The following MANBA variants were observed in gnomAD, a reference collection of about 807,000 sequenced individuals.
MANBA encodes the protein mannosidase beta, also known as beta-mannosidase.
In MANBA, 83 loss-of-function variants were observed where a neutral mutation model predicts 111.1. That is an observed-to-expected ratio of 0.75 (90% CI 0.63 to 0.90). The LOEUF (loss-of-function observed/expected upper bound fraction) is 0.90, where lower values mean the gene tolerates loss of function less well. MANBA is among the 40% of genes least tolerant of loss of function. The probability of loss-of-function intolerance (pLI) is 0.00; values close to 1 mark genes in which losing one functional copy is unlikely to be tolerated. For synonymous variants in MANBA, 370 were observed against 378.7 expected (o/e 0.98, Z 0.27); for missense variants, 1,036 against 1,069.0 (o/e 0.97, Z 0.43).
intron 2 of MANBA, among the ~76,000 whole-genome samples, chr4:102,724,692 A>G (rs919850065): frequency 6.6e-6 from 1 of 152,226 alleles, no homozygotes; most frequent in Non-Finnish European, 1.5e-5. Flanking sequence ...TAAGCCTTAC[A>G]GGAAACTATA....
chr4:102,753,187 A>G (rs1167757511), intron 1 of MANBA, among the ~76,000 whole-genome samples: 1 of 152,178 alleles, frequency 6.6e-6, no homozygotes, highest in South Asian at 2.1e-4. Context: ...TAAATGTTAA[A>G]GTAGCTAATA....
chr4:102,680,789 T>G (rs1278137369), intron 7 of MANBA, among the ~76,000 whole-genome samples: 1 of 152,240 alleles, frequency 6.6e-6, no homozygotes, highest in African/African-American at 2.4e-5. Context: ...TCCCATTCCT[T>G]GAAGCTATTT....
At chr4:102,757,050 C>A (rs550988348) in intron 1 of MANBA, among the ~76,000 whole-genome samples, 6 of 152,112 alleles carry the variant, frequency 3.9e-5, no homozygotes, top group African/African-American at 1.4e-4. Context: ...AGGCTGAGGG[C>A]CAGGCACGGT....
intron 4 of MANBA, among the ~76,000 whole-genome samples, chr4:102,715,706 C>T (rs961453138): frequency 6.6e-5 from 10 of 152,136 alleles, no homozygotes; most frequent in African/African-American, 2.2e-4. Flanking sequence ...TCCATGTGTT[C>T]TCATCAATAA....
chr4:102,648,293 A>G (rs1471266544), intron 13 of MANBA, among the ~76,000 whole-genome samples: 3 of 152,134 alleles, frequency 2.0e-5, no homozygotes, highest in African/African-American at 7.2e-5. Flanking sequence ...AGCATTATTC[A>G]TAATAGCCAA....
intron 12 of MANBA, among the ~76,000 whole-genome samples, chr4:102,652,992 G>A (rs1730403674): frequency 6.6e-6 from 1 of 152,142 alleles, no homozygotes; most frequent in Admixed American, 6.5e-5. Flanking sequence ...AACTTCTTCA[G>A]TATCCAAATC....
chr4:102,689,465 G>C, intron 7 of MANBA, 109 bp downstream of exon 7: 3 of 682,800 alleles, frequency 4.4e-6, no homozygotes, highest in Non-Finnish European at 7.5e-6. Context: ...TCTCTGATGG[G>C]TGGGGACACA....
intron 15 of MANBA, 26 bp downstream of exon 15, chr4:102,635,839 C>T (rs1165092242): frequency 6.2e-7 from 1 of 1,602,142 alleles, no homozygotes; most frequent in Admixed American, 1.7e-5. Context: ...CTCCTTCGAT[C>T]TTAGAAAACA....
intron 13 of MANBA, among the ~76,000 whole-genome samples, chr4:102,640,805 G>C (rs562113934): frequency 1.3e-5 from 2 of 152,276 alleles, no homozygotes; most frequent in South Asian, 2.1e-4. Flanking sequence ...TTTAAATAGA[G>C]GAAGGCTGAC....
At chr4:102,728,974 G>A in intron 1 of MANBA, 4 of 868,244 alleles carry the variant, frequency 4.6e-6, no homozygotes, top group Non-Finnish European at 7.8e-6. Context: ...AGTCCAGCTG[G>A]CTCTCCTCGC....
intron 12 of MANBA, among the ~76,000 whole-genome samples, chr4:102,652,858 G>T (rs1300464815): frequency 2.0e-5 from 3 of 152,162 alleles, no homozygotes; most frequent in Admixed American, 1.3e-4. Context: ...TCACGCCACT[G>T]CACTCCAGCC....
chr4:102,718,700 C>T (rs1722444407), intron 4 of MANBA, among the ~76,000 whole-genome samples: 1 of 152,140 alleles, frequency 6.6e-6, no homozygotes, highest in South Asian at 2.1e-4. Flanking sequence ...GGGAACCAGC[C>T]CCCAATATTT....
intron 12 of MANBA, 183 bp from the exon 13 acceptor site, chr4:102,650,884 G>T: frequency 3.4e-6 from 2 of 585,594 alleles, no homozygotes; most frequent in Non-Finnish European, 6.1e-6. Context: ...CTAGCCTTGT[G>T]GAAACTGGAA....
At chr4:102,729,188 C>A in intron 1 of MANBA, 1 of 724,110 alleles carries the variant, frequency 1.4e-6, no homozygotes, top group South Asian at 1.4e-5. Context: ...TCCAGGGAAG[C>A]CCTCTGGCCT....
chr4:102,665,337 G>A (rs571483796), intron 10 of MANBA: 7 of 165,508 alleles, frequency 4.2e-5, no homozygotes, highest in Admixed American at 3.6e-4. Context: ...AGTCCTCACT[G>A]AGATCAGAAA....
intron 4 of MANBA, among the ~76,000 whole-genome samples, chr4:102,715,700 T>C (rs1237875427): frequency 6.6e-6 from 1 of 152,174 alleles, no homozygotes; most frequent in Non-Finnish European, 1.5e-5. Flanking sequence ...TATGTGTCCA[T>C]GTGTTCTCAT....
rs1208178394 is a variant in MANBA, at chr4:102,664,772, C to T, written c.1398G>A (p.Trp466Ter). The part of the protein sequence containing the change: ...NENEEALMMN[W>*]YHISFTDRPI... ...GCCGGTCAGTGAAACTGATATGATA[C>T]CAATTCATCATCAGCGCCTCCTCAT... is the stretch of plus-strand genomic sequence containing the variant. Residue 466 changes from tryptophan to a stop codon, truncating the protein, a stop_gained, in exon 11 of 17, where the codon TGG (tryptophan) becomes TGA (stop). Coordinates refer to ENST00000647097, the MANE Select transcript of MANBA (RefSeq NM_005908.4). LOFTEE classifies it high-confidence loss of function. 1 of 1,609,798 alleles carries T rather than the reference C, an allele frequency of 6.2e-7. No homozygotes were observed. Among genetic ancestry groups the T allele is most frequent in the Admixed American group, 1.7e-5 (1 of 60,028 alleles).
At chr4:102,683,747 C>T (rs72940787) in intron 7 of MANBA, among the ~76,000 whole-genome samples, 3,706 of 152,264 alleles carry the variant, frequency 0.024, 147 homozygotes, top group African/African-American at 0.082. Context: ...CTCTCCCAGA[C>T]TCACATTCTA....
At chr4:102,665,004 G>A (rs2110217163) in intron 10 of MANBA, 152 bp from the exon 11 acceptor site, 1 of 620,830 alleles carries the variant, frequency 1.6e-6, no homozygotes, top group East Asian at 2.8e-5. Flanking sequence ...CATGTTAGCT[G>A]CAGGAATACA....
Sources: allele counts gnomAD v4.1 joint callset (sites outside exome capture counted in the v4.1 genomes callset), GRCh38; gene constraint gnomAD v4.1.1; transcripts MANE v1.5; gene names NCBI Gene and HGNC (gene_info 2026-07-23, HGNC 2026-07-21).